The following MACROD2 variants were observed in gnomAD, a reference collection of about 807,000 sequenced individuals.
MACROD2 encodes the protein mono-ADP ribosylhydrolase 2.
A neutral mutation model predicts 70.4 loss-of-function variants in MACROD2; 36 were observed. That is an observed-to-expected ratio of 0.51 (90% CI 0.39 to 0.68). The LOEUF is 0.68. Ranked by LOEUF, MACROD2 falls within the 30% of genes least tolerant of loss-of-function variation. The pLI is 0.00. For synonymous variants in MACROD2, 172 were observed against 178.8 expected, an observed-to-expected ratio of 0.96 and a Z score of 0.30; for missense variants, 496 against 538.4, an observed-to-expected ratio of 0.92 and a Z score of 0.78.
intron 5 of MACROD2, among the ~76,000 whole-genome samples, chr20:14,820,063 A>G (rs1233471351): frequency 3.3e-5 from 5 of 152,114 alleles, no homozygotes; most frequent in African/African-American, 7.2e-5. Flanking sequence ...AGGTGGACAG[A>G]GTAGATTTCT....
At chr20:15,294,148 A>T (rs1462299178) in intron 6 of MACROD2, among the ~76,000 whole-genome samples, 2 of 148,414 alleles carry the variant, frequency 1.3e-5, no homozygotes, top group African/African-American at 5.0e-5. Flanking sequence ...AAAATTCAGG[A>T]GTTTTTATAT....
intron 8 of MACROD2, among the ~76,000 whole-genome samples, chr20:15,754,534 T>C (rs1302155397): frequency 6.6e-6 from 1 of 151,540 alleles, no homozygotes; most frequent in Non-Finnish European, 1.5e-5. Context: ...CATCTGAGCC[T>C]GGGAGGCAGA....
intron 3 of MACROD2, among the ~76,000 whole-genome samples, chr20:14,226,783 C>T (rs2081740098): frequency 6.6e-6 from 1 of 152,378 alleles, no homozygotes; most frequent in East Asian, 1.9e-4. Context: ...CATGCCTGAG[C>T]CTCCCACCCA....
At chr20:15,062,783 G>C (rs935459050) in intron 5 of MACROD2, among the ~76,000 whole-genome samples, 2 of 152,260 alleles carry the variant, frequency 1.3e-5, no homozygotes, top group African/African-American at 4.8e-5. Context: ...GTCTGTACGT[G>C]GCAATCCGAA....
intron 5 of MACROD2, among the ~76,000 whole-genome samples, chr20:14,857,809 TG>T (rs1281039293): frequency 2.9e-5 from 3 of 102,878 alleles, no homozygotes; most frequent in Admixed American, 8.9e-5. Context: ...GTGCTTTTTT[TG>T]TTTGTTTTGT....
intron 5 of MACROD2, among the ~76,000 whole-genome samples, chr20:14,735,982 C>T (rs1322937012): frequency 1.3e-5 from 2 of 151,948 alleles, no homozygotes; most frequent in African/African-American, 4.8e-5. Context: ...GATATAGATG[C>T]CAAAGAACTG....
intron 3 of MACROD2, chr20:14,127,756 T>C (rs2054670831): frequency 2.3e-6 from 1 of 434,260 alleles, no homozygotes; most frequent in Non-Finnish European, 4.4e-6. Context: ...AAAGAACAGA[T>C]AAAAGGAGGA....
chr20:14,386,891 C>A (rs548296010), intron 3 of MACROD2, among the ~76,000 whole-genome samples: 7 of 152,300 alleles, frequency 4.6e-5, no homozygotes, highest in African/African-American at 1.7e-4. Context: ...ACAGAAACTG[C>A]ATAAGGCTAT....
At chr20:14,776,421 T>G (rs996384139) in intron 5 of MACROD2, among the ~76,000 whole-genome samples, 3 of 152,048 alleles carry the variant, frequency 2.0e-5, no homozygotes, top group African/African-American at 4.8e-5. Flanking sequence ...ATAAGGTTGA[T>G]GAAAGGAACC....
At chr20:14,594,546 T>C (rs1367320147) in intron 4 of MACROD2, among the ~76,000 whole-genome samples, 2 of 152,210 alleles carry the variant, frequency 1.3e-5, no homozygotes, top group African/African-American at 4.8e-5. Context: ...TTTTTTCATC[T>C]CTTCTTTAAA....
chr20:15,096,146 C>T (rs1372118995), intron 5 of MACROD2, among the ~76,000 whole-genome samples: 1 of 152,026 alleles, frequency 6.6e-6, no homozygotes, highest in African/African-American at 2.4e-5. Flanking sequence ...AGACACTAGG[C>T]CACGAATAAT....
intron 10 of MACROD2, among the ~76,000 whole-genome samples, chr20:15,914,091 C>T (rs971571035): frequency 2.6e-5 from 4 of 152,130 alleles, no homozygotes; most frequent in Non-Finnish European, 4.4e-5. Context: ...ACATTGTTCT[C>T]CAAAGCAGAA....
chr20:15,874,105 C>A (rs1474000433), intron 9 of MACROD2, among the ~76,000 whole-genome samples: 1 of 135,902 alleles, frequency 7.4e-6, no homozygotes, highest in East Asian at 2.4e-4. Context: ...GTGATGTTCC[C>A]CTCCCTGTGT....
At chr20:15,399,071 G>A (rs1195662151) in intron 6 of MACROD2, among the ~76,000 whole-genome samples, 1 of 152,092 alleles carries the variant, frequency 6.6e-6, no homozygotes, top group Non-Finnish European at 1.5e-5. Context: ...TTATCGCTGT[G>A]CCATATGATC....
chr20:14,078,420 G>C (rs1270136745), intron 2 of MACROD2, among the ~76,000 whole-genome samples: 1 of 151,586 alleles, frequency 6.6e-6, no homozygotes, highest in Non-Finnish European at 1.5e-5. Flanking sequence ...TTGTTTGTTT[G>C]TTTGAGATGA....
intron 9 of MACROD2, among the ~76,000 whole-genome samples, chr20:15,883,327 C>T (rs1168898138): frequency 6.6e-6 from 1 of 151,912 alleles, no homozygotes; most frequent in Non-Finnish European, 1.5e-5. Flanking sequence ...ATGTTAAGTT[C>T]AGGGAAGAAT....
At chr20:15,030,905 A>G (rs539260164) in intron 5 of MACROD2, among the ~76,000 whole-genome samples, 12 of 152,238 alleles carry the variant, frequency 7.9e-5, no homozygotes, top group African/African-American at 2.9e-4. Context: ...TGAGGCTGGT[A>G]GCGCCTTTGC....
intron 5 of MACROD2, among the ~76,000 whole-genome samples, chr20:15,032,646 C>T (rs2075284671): frequency 6.6e-6 from 1 of 152,238 alleles, no homozygotes; most frequent in Non-Finnish European, 1.5e-5. Context: ...CCTTCAGCAG[C>T]TGCTGTGGAA....
intron 3 of MACROD2, among the ~76,000 whole-genome samples, chr20:14,381,574 C>G (rs1369980871): frequency 6.6e-6 from 1 of 152,076 alleles, no homozygotes; most frequent in African/African-American, 2.4e-5. Flanking sequence ...GAACTTTTTA[C>G]TAACATTATT....
Sources: gnomAD v4.1 joint callset for allele counts (sites outside exome capture counted in the v4.1 genomes callset) on GRCh38, gnomAD v4.1.1 for gene constraint, MANE v1.5 for transcripts, NCBI Gene and HGNC (gene_info 2026-07-23, HGNC 2026-07-21) for gene names.